Variants in IL1RAPL1 observed in about 807,000 individuals in gnomAD.
IL1RAPL1 encodes the protein interleukin 1 receptor accessory protein like 1, also known as interleukin-1 receptor accessory protein-like 1.
A neutral mutation model predicts 48.4 loss-of-function variants in IL1RAPL1; 3 were observed. That is an observed-to-expected ratio of 0.06 (90% CI 0.03 to 0.16). The LOEUF is 0.16. Ranked by LOEUF, IL1RAPL1 falls within the 10% of genes least tolerant of loss-of-function variation. IL1RAPL1 has a pLI of 1.00. For synonymous variants in IL1RAPL1, 185 were observed against 187.7 expected (o/e 0.99, Z 0.12); for missense variants, 349 against 530.6 (o/e 0.66, Z 3.36).
At chrX:29,243,065 C>G (rs916742006) in intron 2 of IL1RAPL1, among the ~76,000 whole-genome samples, 1 of 111,838 alleles carries the variant, frequency 8.9e-6, no homozygotes, top group Admixed American at 9.5e-5. Context: ...ACATGTTCCC[C>G]GGGGGGTTTA....
At chrX:29,349,084 AG>A (rs1484108090) in intron 3 of IL1RAPL1, among the ~76,000 whole-genome samples, 3 of 112,457 alleles carry the variant, frequency 2.7e-5, no homozygotes, top group African/African-American at 9.7e-5. Flanking sequence ...CCAAAGACAC[AG>A]GGGAAATTGT....
At chrX:29,498,892 T>C (rs1366817388) in intron 5 of IL1RAPL1, among the ~76,000 whole-genome samples, 1 of 111,966 alleles carries the variant, frequency 8.9e-6, no homozygotes, top group African/African-American at 3.2e-5. Flanking sequence ...ACTTTTAATG[T>C]TGGGATGTAA....
At chrX:29,621,603 G>A (rs1271015752) in intron 5 of IL1RAPL1, among the ~76,000 whole-genome samples, 1 of 110,683 alleles carries the variant, frequency 9.0e-6, no homozygotes, top group Non-Finnish European at 1.9e-5. Context: ...GATTTTTTCT[G>A]ATTTGCTTAT....
chrX:29,489,698 A>G (rs180806203), intron 5 of IL1RAPL1, among the ~76,000 whole-genome samples: 10 of 111,706 alleles, frequency 9.0e-5, no homozygotes, highest in Non-Finnish European at 1.3e-4. Flanking sequence ...TATTATTTAA[A>G]TTTCCTCTGA....
chrX:28,759,636 G>A (rs1185650492), intron 1 of IL1RAPL1, among the ~76,000 whole-genome samples: 1 of 111,739 alleles, frequency 8.9e-6, no homozygotes, highest in Non-Finnish European at 1.9e-5. Context: ...CGTATTTTAG[G>A]ATAATCACAT....
At chrX:28,940,024 G>A (rs1231083466) in intron 2 of IL1RAPL1, among the ~76,000 whole-genome samples, 1 of 111,594 alleles carries the variant, frequency 9.0e-6, no homozygotes, top group Admixed American at 9.5e-5. Context: ...AGGTGCAGCT[G>A]CACAGTATGA....
At chrX:28,707,616 T>C (rs909400319) in intron 1 of IL1RAPL1, among the ~76,000 whole-genome samples, 5 of 111,890 alleles carry the variant, frequency 4.5e-5, no homozygotes, top group Non-Finnish European at 9.4e-5. Context: ...AGAGGGCAAA[T>C]GCCTGAAAAT....
intron 2 of IL1RAPL1, chrX:28,941,992 G>C (rs1924173824): frequency 9.1e-6 from 1 of 110,008 alleles, no homozygotes; most frequent in African/African-American, 3.3e-5. Context: ...GAAAAGAAAA[G>C]AAAAGAAATG....
At chrX:29,799,653 C>T (rs768945019) in intron 6 of IL1RAPL1, among the ~76,000 whole-genome samples, 2 of 112,143 alleles carry the variant, frequency 1.8e-5, no homozygotes, top group African/African-American at 3.2e-5. Context: ...TCACACTAGG[C>T]ACATTTCCTA....
intron 5 of IL1RAPL1, among the ~76,000 whole-genome samples, chrX:29,489,437 A>G (rs1569322512): frequency 8.9e-6 from 1 of 112,005 alleles, no homozygotes; most frequent in South Asian, 3.7e-4. Context: ...ATAAGATGCT[A>G]AGCTAAACAA....
At chrX:28,706,163 C>G (rs374438518) in intron 1 of IL1RAPL1, among the ~76,000 whole-genome samples, 7 of 111,747 alleles carry the variant, frequency 6.3e-5, no homozygotes, top group African/African-American at 1.9e-4. Flanking sequence ...GATTATAATG[C>G]TGTATTTTTA....
chrX:29,584,543 C>T lies in IL1RAPL1; in HGVS notation c.704-83887C>T, dbSNP rs144472182. 4.7e-3 allele frequency among the ~76,000 whole-genome samples: 526 copies of T among 111,128 alleles called. 3 individuals are homozygous for T. The highest frequency in any genetic ancestry group is 0.017 in the African/African-American group (507 of 30,560). On this transcript the variant is annotated intron_variant, in intron 5 of 10. Coordinates refer to ENST00000378993, the MANE Select transcript of IL1RAPL1 (RefSeq NM_014271.4). The stretch of plus-strand genomic sequence containing the variant: ...ACTGGTGAAGTTGAGTCTTGATTTC[C>T]ATGTTGCTAAATTCAGTAGTAATTC...
At chrX:29,927,632 A>G (rs1476165292) in intron 8 of IL1RAPL1, among the ~76,000 whole-genome samples, 1 of 111,829 alleles carries the variant, frequency 8.9e-6, no homozygotes, top group Admixed American at 9.5e-5. Flanking sequence ...AAAAGGAAAT[A>G]AACTTAGGAA....
chrX:29,871,106 C>A (rs1338661323), intron 6 of IL1RAPL1, among the ~76,000 whole-genome samples: 1 of 111,712 alleles, frequency 9.0e-6, no homozygotes, highest in African/African-American at 3.3e-5. Context: ...GTGTGTGGCC[C>A]CCTTTTTCCA....
intron 6 of IL1RAPL1, among the ~76,000 whole-genome samples, chrX:29,790,862 A>T (rs963662687): frequency 1.8e-5 from 2 of 111,823 alleles, no homozygotes; most frequent in African/African-American, 6.5e-5. Flanking sequence ...CTGCTCAATG[A>T]CTTCCTGGAA....
intron 1 of IL1RAPL1, among the ~76,000 whole-genome samples, chrX:28,606,804 A>G (rs1276702712): frequency 1.8e-5 from 2 of 111,093 alleles, no homozygotes; most frequent in African/African-American, 6.5e-5. Flanking sequence ...TGAACAACCA[A>G]TTTTCTTCTT....
chrX:29,311,037 CT>C (rs985169399), intron 3 of IL1RAPL1, among the ~76,000 whole-genome samples: 1 of 111,481 alleles, frequency 9.0e-6, no homozygotes, highest in Non-Finnish European at 1.9e-5. Flanking sequence ...GGCAAATTGC[CT>C]TTTAGAATGA....
chrX:29,333,898 C>T (rs867363398), intron 3 of IL1RAPL1, among the ~76,000 whole-genome samples: 4 of 82,830 alleles, frequency 4.8e-5, no homozygotes, highest in African/African-American at 1.5e-4. Context: ...CCTCACCTCC[C>T]GGACGGGGCG....
chrX:28,649,501 A>G (rs1166203512), intron 1 of IL1RAPL1, among the ~76,000 whole-genome samples: 4 of 112,772 alleles, frequency 3.5e-5, no homozygotes, highest in African/African-American at 1.3e-4. Context: ...AAGGTTTCTC[A>G]GATCCTTTAA....
Sources: allele counts gnomAD v4.1 joint callset (sites outside exome capture counted in the v4.1 genomes callset), GRCh38; gene constraint gnomAD v4.1.1; transcripts MANE v1.5; gene names NCBI Gene and HGNC (gene_info 2026-07-23, HGNC 2026-07-21).